The following LAMA2 variants were observed in gnomAD, a reference collection of about 807,000 sequenced individuals.
LAMA2 encodes the protein laminin subunit alpha-2.
A neutral mutation model predicts 364.8 loss-of-function variants in LAMA2; 269 were observed. The ratio of observed to expected loss-of-function variants is 0.74; its 90% CI spans 0.67 to 0.82. The LOEUF is 0.82. LAMA2 is among the 40% of genes least tolerant of loss of function. The pLI is 0.00. For synonymous variants in LAMA2, 1,379 were observed against 1,370.6 expected (o/e 1.01, Z -0.14); for missense variants, 3,807 against 3,873.2 (o/e 0.98, Z 0.45).
chr6:129,164,148 A>G (rs949944123), intron 8 of LAMA2, among the ~76,000 whole-genome samples: 3 of 152,128 alleles, frequency 2.0e-5, no homozygotes, highest in African/African-American at 7.2e-5. Flanking sequence ...CACAGATAGT[A>G]CCAAACCTAT....
intron 41 of LAMA2, among the ~76,000 whole-genome samples, chr6:129,428,457 AC>A (rs1562555065): frequency 2.0e-5 from 3 of 152,132 alleles, no homozygotes. Flanking sequence ...AAAATTAAAT[AC>A]ATTTTTCTTT....
chr6:129,507,984 AT>A (rs796775033), intron 62 of LAMA2, among the ~76,000 whole-genome samples: 2 of 81,608 alleles, frequency 2.5e-5, no homozygotes, highest in African/African-American at 7.3e-5. Flanking sequence ...ATGAGATATG[AT>A]TTTTTTCTTC....
intron 4 of LAMA2, among the ~76,000 whole-genome samples, chr6:129,122,624 A>C (rs561540341): frequency 6.6e-6 from 1 of 152,252 alleles, no homozygotes; most frequent in South Asian, 2.1e-4. Flanking sequence ...GTGTGGATTC[A>C]GCAATCTCCA....
intron 45 of LAMA2, among the ~76,000 whole-genome samples, chr6:129,449,558 C>A (rs1583778349): frequency 1.3e-5 from 2 of 152,096 alleles, no homozygotes; most frequent in African/African-American, 4.8e-5. Context: ...AAATTTCAAG[C>A]AAATGAATTT....
intron 12 of LAMA2, among the ~76,000 whole-genome samples, chr6:129,211,699 G>C (rs1465141379): frequency 1.3e-5 from 2 of 152,112 alleles, no homozygotes; most frequent in African/African-American, 4.8e-5. Context: ...AAGCATTTAA[G>C]CATTGAATTC....
At chr6:129,219,468 C>G in intron 12 of LAMA2, among the ~76,000 whole-genome samples, 1 of 151,694 alleles carries the variant, frequency 6.6e-6, no homozygotes, top group Non-Finnish European at 1.5e-5. Context: ...CCAGCCATCC[C>G]ATTACTGGGT....
In LAMA2 at chr6:129,079,553, GTT is replaced by G. The variant is rs111592167; in HGVS notation, c.397-18608_397-18607del. Reference sequence around the variant, plus strand: ...CACCCTTGCCAACACTTCTTTTTCTGTTTTTTTTTTTTTCTTTTTAAATAGTT... The same window carrying G: ...CACCCTTGCCAACACTTCTTTTTCTGTTTTTTTTTTTCTTTTTAAATAGTT... On this transcript the variant is annotated intron_variant, in intron 3 of 64. Coordinates refer to ENST00000421865, the MANE Select transcript of LAMA2 (RefSeq NM_000426.4). Among the ~76,000 whole-genome samples, 25 of 139,910 alleles carry G rather than the reference GTT, an allele frequency of 1.8e-4. 1 individual carries two copies. The highest frequency in any genetic ancestry group is 6.4e-4 in the African/African-American group (25 of 39,042). The allele number at this position is 139,910 out of a possible 152,430, so 91.8% of individuals were successfully genotyped here. A position where few individuals can be genotyped will look rare whatever the true frequency, so the allele number is the denominator to read the frequency against.
intron 1 of LAMA2, among the ~76,000 whole-genome samples, chr6:129,015,102 C>A (rs866443995): frequency 3.9e-5 from 6 of 151,998 alleles, no homozygotes; most frequent in African/African-American, 1.4e-4. Flanking sequence ...TTTATAGATA[C>A]AAGCATAGAG....
At chr6:129,168,187 T>C (rs1262275358) in intron 9 of LAMA2, among the ~76,000 whole-genome samples, 1 of 148,602 alleles carries the variant, frequency 6.7e-6, no homozygotes, top group Non-Finnish European at 1.5e-5. Flanking sequence ...CATTTGTCAA[T>C]TTTGTCTTTT....
intron 12 of LAMA2, among the ~76,000 whole-genome samples, chr6:129,214,973 A>G (rs1301535975): frequency 6.6e-6 from 1 of 152,132 alleles, no homozygotes; most frequent in African/African-American, 2.4e-5. Flanking sequence ...AGTTTTCCTC[A>G]TATAGATTTT....
intron 34 of LAMA2, among the ~76,000 whole-genome samples, chr6:129,376,711 T>A (rs1778395047): frequency 6.6e-6 from 1 of 152,208 alleles, no homozygotes; most frequent in Non-Finnish European, 1.5e-5. Flanking sequence ...TAATTTCTGT[T>A]AACTCCAATT....
chr6:129,200,591 T>C (rs1177335305), intron 12 of LAMA2, among the ~76,000 whole-genome samples: 1 of 151,852 alleles, frequency 6.6e-6, no homozygotes, highest in African/African-American at 2.4e-5. Flanking sequence ...TGGGGCTTTT[T>C]GGAAAGGGAT....
At chr6:129,430,281 A>G (rs1159744595) in intron 41 of LAMA2, among the ~76,000 whole-genome samples, 1 of 152,166 alleles carries the variant, frequency 6.6e-6, no homozygotes, top group Non-Finnish European at 1.5e-5. Flanking sequence ...GTTAGAAGGA[A>G]TAAAAATGGT....
Position 129,098,584 on chromosome 6 carries a change from A to C in LAMA2, c.639+169A>C, listed in dbSNP as rs142145943. On this transcript the variant is annotated intron_variant, in intron 4 of 64. Transcript: ENST00000421865. ...AAAAAGAAAAACCTGAGGTGATTAG[A>C]ATTTTAACTACCTTCATGTGTCTCC... Among the ~76,000 whole-genome samples the C allele has an allele frequency of 8.3e-3, 1,269 of 152,322 alleles. 13 individuals are homozygous for C. The highest frequency in any genetic ancestry group is 0.029 in the African/African-American group (1,194 of 41,576).
At position 129,313,031 on chromosome 6, in the gene LAMA2, C is replaced by G. The variant is rs2114494423; in HGVS notation, c.3345C>G (p.Ala1115=). 3 of 1,614,112 alleles carry G rather than the reference C, an allele frequency of 1.9e-6. No individual in the cohort carries two copies. The highest frequency in any genetic ancestry group is 1.7e-6 in the Non-Finnish European group (2 of 1,179,976). The change falls in exon 23 of 65, where the codon GCC becomes GCG. Residue 1115 remains alanine, a synonymous_variant. Coordinates refer to ENST00000421865, the MANE Select transcript of LAMA2 (RefSeq NM_000426.4). The stretch of plus-strand genomic sequence containing the variant: ...ACTGCTTCCTCCCTGGGACAGATGC[C>G]ACAACCTGTGATTCAGAGACTAAAA... ...LCDCFLPGTD[A]TTCDSETKKC...
intron 48 of LAMA2, among the ~76,000 whole-genome samples, chr6:129,458,239 T>C (rs1288581713): frequency 6.6e-6 from 1 of 151,968 alleles, no homozygotes; most frequent in Non-Finnish European, 1.5e-5. Flanking sequence ...CACACTACCA[T>C]AGAGTGTGTG....
intron 1 of LAMA2, among the ~76,000 whole-genome samples, chr6:129,034,392 A>G (rs907417273): frequency 5.3e-5 from 8 of 152,038 alleles, no homozygotes; most frequent in Non-Finnish European, 1.5e-5. Context: ...GAGGTGCACT[A>G]TTTTGTCCTT....
intron 1 of LAMA2, among the ~76,000 whole-genome samples, chr6:128,984,857 C>A (rs1783118423): frequency 6.6e-6 from 1 of 152,090 alleles, no homozygotes; most frequent in Non-Finnish European, 1.5e-5. Context: ...TGTATCCACC[C>A]TGGGAATCAC....
intron 51 of LAMA2, among the ~76,000 whole-genome samples, chr6:129,467,722 A>G (rs1022632698): frequency 6.6e-6 from 1 of 151,894 alleles, no homozygotes; most frequent in African/African-American, 2.4e-5. Flanking sequence ...CTTTTATTCT[A>G]TCCATTAAAA....
Sources: allele counts gnomAD v4.1 joint callset (sites outside exome capture counted in the v4.1 genomes callset), GRCh38; gene constraint gnomAD v4.1.1; transcripts MANE v1.5; gene names NCBI Gene and HGNC (gene_info 2026-07-23, HGNC 2026-07-21).